Variants in SPTLC1 observed in about 807,000 individuals in gnomAD.
The protein encoded by SPTLC1 is serine palmitoyltransferase long chain base subunit 1, also known as serine palmitoyltransferase 1.
Under a neutral mutation model 68.9 loss-of-function variants are expected in SPTLC1, and 55 were observed. The ratio of observed to expected loss-of-function variants is 0.80; its 90% CI spans 0.64 to 1.00. SPTLC1 has a LOEUF of 1.00. Among genes scored for constraint, SPTLC1 ranks in the 50% least tolerant of loss-of-function variants. The pLI is 0.00. For missense variants in SPTLC1, 449 were observed against 573.1 expected (o/e 0.78, Z 2.21); for synonymous variants, 197 against 201.6 (o/e 0.98, Z 0.19).
intron 3 of SPTLC1, among the ~76,000 whole-genome samples, chr9:92,095,609 A>C (rs1835502649): frequency 6.6e-6 from 1 of 152,222 alleles, no homozygotes; most frequent in Admixed American, 6.5e-5. Context: ...ACCACTTAAT[A>C]TCAGCTAACA....
At chr9:92,110,685 A>T (rs568744211) in intron 2 of SPTLC1, 3 of 152,352 alleles carry the variant, frequency 2.0e-5, no homozygotes, top group African/African-American at 7.2e-5. Context: ...AAGGCATCAT[A>T]CTATCAATAT....
intron 12 of SPTLC1, among the ~76,000 whole-genome samples, chr9:92,042,903 T>G (rs1330515928): frequency 6.6e-6 from 1 of 152,200 alleles, no homozygotes; most frequent in Non-Finnish European, 1.5e-5. Context: ...TGTCAACCAG[T>G]AGGAGAAAGG....
In SPTLC1 at chr9:92,080,976, T is replaced by G; in HGVS notation, c.261-13A>C. ...GTGGCTTGGAGGGCTAGGGAAGAGA[T>G]AGAGTGGTACATGTCAATTACACAT... On this transcript the variant is annotated splice_polypyrimidine_tract_variant and intron_variant, in intron 3 of 14. Coordinates refer to ENST00000262554, the MANE Select transcript of SPTLC1 (RefSeq NM_006415.4). 3 of 1,595,798 alleles carry G rather than the reference T, an allele frequency of 1.9e-6. No homozygotes were observed. Among genetic ancestry groups the G allele is most frequent in the South Asian group, 2.2e-5 (2 of 90,708 alleles).
At chr9:92,037,985 C>T (rs150739075) in intron 13 of SPTLC1, among the ~76,000 whole-genome samples, 64 of 152,248 alleles carry the variant, frequency 4.2e-4, no homozygotes, top group Middle Eastern at 3.4e-3. Flanking sequence ...TATTTAAATG[C>T]AAAGTGGTAC....
rs1832971530 is a variant in SPTLC1, at chr9:92,031,795, CACTT to C, written c.*666_*669del. 1 of 153,286 alleles carries C rather than the reference CACTT, an allele frequency of 6.5e-6. No homozygotes were observed. Among genetic ancestry groups the C allele is most frequent in the South Asian group, 2.1e-4 (1 of 4,834 alleles). 9.5% of individuals were successfully genotyped at this position (153,286 alleles called of 1,614,324 possible). ...ATAGCTTCTGATTTAAATTATTGCT[CACTT>C]AGGAAGTATAATGAATATTCTCTGG... On this transcript the variant is annotated 3_prime_UTR_variant, in exon 15 of 15. Transcript: ENST00000262554.
At chr9:92,102,463 CAAT>C (rs1835789803) in intron 3 of SPTLC1, among the ~76,000 whole-genome samples, 1 of 152,146 alleles carries the variant, frequency 6.6e-6, no homozygotes, top group African/African-American at 2.4e-5. Context: ...TTTATATCTA[CAAT>C]GAGTTATTAA....
intron 3 of SPTLC1, among the ~76,000 whole-genome samples, chr9:92,102,636 AG>A (rs1041533672): frequency 6.6e-6 from 1 of 152,206 alleles, no homozygotes; most frequent in African/African-American, 2.4e-5. Context: ...TGTAAGCTCC[AG>A]AGTAACCAGA....
intron 3 of SPTLC1, among the ~76,000 whole-genome samples, chr9:92,102,930 A>AT (rs34079904): frequency 0.033 from 5,041 of 152,268 alleles, 211 homozygotes; most frequent in Middle Eastern, 0.12. Context: ...TCTCTTGGGC[A>AT]TAAGAAAACC....
At chr9:92,087,157 A>T (rs1835175210) in intron 3 of SPTLC1, among the ~76,000 whole-genome samples, 1 of 152,086 alleles carries the variant, frequency 6.6e-6, no homozygotes, top group Non-Finnish European at 1.5e-5. Context: ...AATTTTTTTC[A>T]AAGTTTTTAA....
At chr9:92,080,705 AT>A (rs1834849430) in intron 4 of SPTLC1, among the ~76,000 whole-genome samples, 164 bp downstream of exon 4, 2 of 152,034 alleles carry the variant, frequency 1.3e-5, no homozygotes, top group African/African-American at 4.8e-5. Context: ...TGCCCTGCTA[AT>A]TTTTGTATTT....
chr9:92,048,261 T>C (rs567560474), intron 9 of SPTLC1, among the ~76,000 whole-genome samples: 16 of 152,350 alleles, frequency 1.1e-4, no homozygotes, highest in South Asian at 4.1e-4. Flanking sequence ...CTTTGAGTCC[T>C]ACATCTTTCT....
chr9:92,033,099 G>A (rs1445245854), intron 14 of SPTLC1, among the ~76,000 whole-genome samples: 1 of 151,932 alleles, frequency 6.6e-6, no homozygotes, highest in Admixed American at 6.6e-5. Context: ...GCTGCGGCAG[G>A]GAATCTGCAG....
chr9:92,087,174 T>C (rs1835176099), intron 3 of SPTLC1, among the ~76,000 whole-genome samples: 1 of 152,360 alleles, frequency 6.6e-6, no homozygotes, highest in Admixed American at 6.5e-5. Flanking sequence ...TTAACTTCTT[T>C]GCCTTTGGTT....
intron 14 of SPTLC1, among the ~76,000 whole-genome samples, chr9:92,033,370 T>C (rs978384830): frequency 3.3e-5 from 5 of 152,180 alleles, no homozygotes; most frequent in African/African-American, 1.2e-4. Flanking sequence ...AAAGAAATAA[T>C]AGCTTGAAAG....
chr9:92,063,926 G>C (rs76398660), intron 6 of SPTLC1, among the ~76,000 whole-genome samples: 1 of 152,136 alleles, frequency 6.6e-6, no homozygotes, highest in East Asian at 1.9e-4. Context: ...AAGAGTAAAC[G>C]CTTTCTAATA....
chr9:92,062,799 T>A (rs957027997), intron 6 of SPTLC1, among the ~76,000 whole-genome samples: 4 of 152,058 alleles, frequency 2.6e-5, no homozygotes, highest in African/African-American at 9.7e-5. Context: ...AATGACACCC[T>A]ATTTCTTAAA....
intron 5 of SPTLC1, among the ~76,000 whole-genome samples, chr9:92,072,977 T>C (rs1300326677): frequency 1.3e-5 from 2 of 148,682 alleles, no homozygotes; most frequent in African/African-American, 5.0e-5. Context: ...TATCCGAACC[T>C]GGCCCTAATT....
In SPTLC1 at chr9:92,098,263, C is replaced by A. The variant is rs1045523549; in HGVS notation, c.260+10477G>T. On this transcript the variant is annotated intron_variant, in intron 3 of 14. Transcript: ENST00000262554. ...GGACCAACGCGCATGCCCACTAGGG[C>A]GTGTCACACTCAGAAGCACGAAACT... Among the ~76,000 whole-genome samples, 109 of 152,264 alleles carry A rather than the reference C, an allele frequency of 7.2e-4. 2 individuals are homozygous for A. The highest frequency in any genetic ancestry group is 4.6e-4 in the Non-Finnish European group (31 of 68,018).
Position 92,032,673 on chromosome 9 carries a change from G to C in SPTLC1, c.1329-115C>G. On this transcript the variant is annotated intron_variant, in intron 14 of 14. Transcript: ENST00000262554. Reference sequence around the variant, plus strand: ...AGGTGGATCACGAGGTCAGGAGATCGAGACCATCCTGGCTAACACAGTGAA... The same window carrying C: ...AGGTGGATCACGAGGTCAGGAGATCCAGACCATCCTGGCTAACACAGTGAA... 2.2e-6 allele frequency: 3 copies of C among 1,352,568 alleles called. No homozygotes were observed. The South Asian group carries it at 3.5e-5, about 16-fold the overall frequency. The allele number at this position is 1,352,568 out of a possible 1,614,324, so 83.8% of individuals were successfully genotyped here. A position where few individuals can be genotyped will look rare whatever the true frequency, so the allele number is the denominator to read the frequency against.
Sources: allele counts gnomAD v4.1 joint callset (sites outside exome capture counted in the v4.1 genomes callset), GRCh38; gene constraint gnomAD v4.1.1; transcripts MANE v1.5; gene names NCBI Gene and HGNC (gene_info 2026-07-23, HGNC 2026-07-21).